Variants in UPP2 observed in about 807,000 individuals in gnomAD.
The protein encoded by UPP2 is uridine phosphorylase 2.
In UPP2, 23 loss-of-function variants were observed where a neutral mutation model predicts 26.7. The observed-to-expected ratio is 0.86, with a 90% confidence interval of 0.62 to 1.22. The LOEUF is 1.22. UPP2 is among the 50% of genes most tolerant of loss of function. The pLI is 0.00. For synonymous variants in UPP2, 127 were observed against 141.3 expected (o/e 0.90, Z 0.72); for missense variants, 387 against 396.7 (o/e 0.98, Z 0.21).
intron 3 of UPP2, among the ~76,000 whole-genome samples, chr2:158,049,532 G>T (rs1164546167): frequency 6.6e-6 from 1 of 152,166 alleles, no homozygotes; most frequent in East Asian, 1.9e-4. Context: ...AGGAGAGAAT[G>T]GTTTTTCAGC....
chr2:157,997,605 C>A (rs561391278), intron 2 of UPP2, among the ~76,000 whole-genome samples: 6 of 152,150 alleles, frequency 3.9e-5, no homozygotes, highest in Admixed American at 3.9e-4. Context: ...CCACCATGGT[C>A]TCTAATTCAA....
intron 3 of UPP2, among the ~76,000 whole-genome samples, chr2:158,047,307 G>A (rs1684170215): frequency 6.6e-6 from 1 of 152,230 alleles, no homozygotes; most frequent in African/African-American, 2.4e-5. Context: ...GAAAACTTTA[G>A]CATGAGCACA....
At chr2:157,997,549 C>G (rs953812260) in intron 2 of UPP2, among the ~76,000 whole-genome samples, 5 of 152,166 alleles carry the variant, frequency 3.3e-5, no homozygotes, top group African/African-American at 1.2e-4. Flanking sequence ...CCTTCACTTC[C>G]ATGCCTTAAT....
At position 158,059,256 on chromosome 2, in the gene UPP2, C is replaced by A. The variant is rs577398245; in HGVS notation, c.148-42784C>A. Reference sequence around the variant, plus strand: ...GGTATGGAATCTCCGAACTTACAGACCTTGCTGCCCAGCTCTAGCCATATA... The same window carrying A: ...GGTATGGAATCTCCGAACTTACAGAACTTGCTGCCCAGCTCTAGCCATATA... On this transcript the variant is annotated intron_variant, in intron 3 of 9. Transcript: ENST00000605860. Among the ~76,000 whole-genome samples, 16 of 152,336 alleles carry A rather than the reference C, an allele frequency of 1.1e-4. No individual in the cohort carries two copies. In the South Asian group the frequency reaches 2.3e-3, roughly 22 times the overall value.
At chr2:158,101,739 T>C (rs557103541), upstream of UPP2, 34 of 622,822 alleles carry the variant, frequency 5.5e-5, no homozygotes, top group Non-Finnish European at 7.0e-5. Flanking sequence ...TTCTCACCAA[T>C]AGTTAACAAG....
At chr2:158,029,800 T>C (rs1426339526) in intron 3 of UPP2, among the ~76,000 whole-genome samples, 8 of 151,700 alleles carry the variant, frequency 5.3e-5, no homozygotes, top group Non-Finnish European at 7.4e-5. Flanking sequence ...CGTTTCTTTT[T>C]TTTTTTTTTT....
intron 3 of UPP2, among the ~76,000 whole-genome samples, chr2:158,053,663 C>T (rs1246353587): frequency 2.6e-5 from 4 of 152,114 alleles, no homozygotes; most frequent in Non-Finnish European, 5.9e-5. Context: ...TGACCTTTGG[C>T]AGAATTGTTA....
At chr2:158,020,034 GGTGACT>G (rs1417700077) in intron 3 of UPP2, among the ~76,000 whole-genome samples, 2 of 152,182 alleles carry the variant, frequency 1.3e-5, no homozygotes, top group African/African-American at 4.8e-5. Flanking sequence ...TAAAGGCTAA[GGTGACT>G]GTTGAATAGC....
intron 6 of UPP2, among the ~76,000 whole-genome samples, chr2:158,125,236 A>C (rs981335902): frequency 6.6e-6 from 1 of 152,170 alleles, no homozygotes; most frequent in African/African-American, 2.4e-5. Flanking sequence ...ATGAATTTTA[A>C]TCTACACATT....
intron 3 of UPP2, among the ~76,000 whole-genome samples, chr2:158,031,793 A>C (rs1387556802): frequency 1.3e-5 from 2 of 152,188 alleles, no homozygotes; most frequent in African/African-American, 2.4e-5. Flanking sequence ...TGCATTTCCT[A>C]CATTTTTGGT....
chr2:158,015,418 C>T (rs1026412458), intron 2 of UPP2, among the ~76,000 whole-genome samples: 1 of 152,126 alleles, frequency 6.6e-6, no homozygotes, highest in Non-Finnish European at 1.5e-5. Flanking sequence ...ACATAATTTC[C>T]TTCCTTTTTT....
chr2:158,132,291 T>C (rs548999937), intron 6 of UPP2, among the ~76,000 whole-genome samples: 1 of 152,328 alleles, frequency 6.6e-6, no homozygotes, highest in Non-Finnish European at 1.5e-5. Context: ...GATGGGTCAG[T>C]ATAACCGATA....
chr2:158,106,345 C>A, intron 2 of UPP2, 129 bp downstream of exon 2: 2 of 710,208 alleles, frequency 2.8e-6, no homozygotes, highest in Non-Finnish European at 4.7e-6. Context: ...CACACTCATT[C>A]TCTGAAACAA....
chr2:158,112,536 G>A (rs1683341405), intron 2 of UPP2, among the ~76,000 whole-genome samples: 1 of 151,776 alleles, frequency 6.6e-6, no homozygotes, highest in African/African-American at 2.4e-5. Context: ...TTGTGACCTT[G>A]GATTAGGAAA....
At chr2:158,009,264 A>G (rs1683540249) in intron 2 of UPP2, among the ~76,000 whole-genome samples, 1 of 152,178 alleles carries the variant, frequency 6.6e-6, no homozygotes, top group Non-Finnish European at 1.5e-5. Context: ...TGAATACAAC[A>G]GTTTTTCTGC....
intron 5 of UPP2, 59 bp downstream of exon 5, chr2:158,121,677 T>A: frequency 6.9e-7 from 1 of 1,449,342 alleles, no homozygotes. Context: ...TCTTTGTTAT[T>A]CAAACCCATA....
intron 3 of UPP2, among the ~76,000 whole-genome samples, chr2:158,086,951 A>G (rs1353265610): frequency 6.6e-6 from 1 of 152,172 alleles, no homozygotes; most frequent in Admixed American, 6.5e-5. Flanking sequence ...GCTGAGGAAT[A>G]GAATGTATAT....
intron 1 of UPP2, among the ~76,000 whole-genome samples, chr2:158,103,583 C>A (rs1379266855): frequency 6.6e-6 from 1 of 152,092 alleles, no homozygotes; most frequent in Admixed American, 6.6e-5. Context: ...TTCATAGATT[C>A]AGTTAGGAAT....
chr2:157,999,164 TTTGTTG>T (rs370281626), intron 2 of UPP2, among the ~76,000 whole-genome samples: 5 of 152,012 alleles, frequency 3.3e-5, no homozygotes, highest in Admixed American at 1.3e-4. Context: ...TTTGGGTCTT[TTTGTTG>T]TTGTTGTTGT....
Sources: gnomAD v4.1 joint callset for allele counts (sites outside exome capture counted in the v4.1 genomes callset) on GRCh38, gnomAD v4.1.1 for gene constraint, MANE v1.5 for transcripts, NCBI Gene and HGNC (gene_info 2026-07-23, HGNC 2026-07-21) for gene names.